SHTN1: variants seen among roughly 807,000 people sequenced by gnomAD.
SHTN1 encodes the protein shootin 1, also known as shootin-1.
Under a neutral mutation model 83.1 loss-of-function variants are expected in SHTN1, and 42 were observed. The observed-to-expected ratio is 0.51, with a 90% CI of 0.39 to 0.65. The LOEUF is 0.65. Among genes scored for constraint, SHTN1 ranks in the 30% least tolerant of loss-of-function variants. SHTN1 has a pLI of 0.00. For synonymous variants in SHTN1, 224 were observed against 247.7 expected, an observed-to-expected ratio of 0.90 and a Z score of 0.90; for missense variants, 622 against 737.8, an observed-to-expected ratio of 0.84 and a Z score of 1.82.
intron 1 of SHTN1, among the ~76,000 whole-genome samples, chr10:117,062,150 T>C (rs1348072280): frequency 1.3e-5 from 2 of 152,198 alleles, no homozygotes; most frequent in Non-Finnish European, 2.9e-5. Context: ...TTAATTAAAC[T>C]TTGTATACTT....
At chr10:116,930,346 A>G (rs756761376) in intron 9 of SHTN1, among the ~76,000 whole-genome samples, 1 of 152,172 alleles carries the variant, frequency 6.6e-6, no homozygotes, top group African/African-American at 2.4e-5. Context: ...GGTAAAAAGA[A>G]TAGTACCTGA....
At chr10:117,036,191 T>C (rs1007570627) in intron 2 of SHTN1, among the ~76,000 whole-genome samples, 2 of 152,116 alleles carry the variant, frequency 1.3e-5, no homozygotes, top group African/African-American at 2.4e-5. Flanking sequence ...CTGGGGGATG[T>C]AAATTTAGTA....
chr10:117,102,746 G>A (rs1432078057), intron 1 of SHTN1, among the ~76,000 whole-genome samples: 3 of 151,958 alleles, frequency 2.0e-5, no homozygotes, highest in Admixed American at 1.3e-4. Context: ...ATTACCCAAG[G>A]ACTATAAAGC....
intron 9 of SHTN1, among the ~76,000 whole-genome samples, chr10:116,939,105 G>T (rs890776370): frequency 2.0e-5 from 3 of 152,204 alleles, no homozygotes; most frequent in Admixed American, 1.3e-4. Context: ...GCTGGGCTCC[G>T]TGGGGGTGGG....
At chr10:116,999,976 C>T (rs1851767684) in intron 1 of SHTN1, among the ~76,000 whole-genome samples, 1 of 152,142 alleles carries the variant, frequency 6.6e-6, no homozygotes, top group African/African-American at 2.4e-5. Context: ...GACTAGAAGA[C>T]ATAGTTCCTT....
chr10:116,910,739 C>T (rs996670031), intron 14 of SHTN1, among the ~76,000 whole-genome samples: 2 of 152,168 alleles, frequency 1.3e-5, no homozygotes, highest in African/African-American at 4.8e-5. Context: ...TAATAGAACA[C>T]TGAATAACAG....
chr10:116,979,372 G>A, intron 1 of SHTN1, 64 bp from the exon 2 acceptor site: 7 of 1,296,890 alleles, frequency 5.4e-6, no homozygotes, highest in Non-Finnish European at 6.7e-6. Flanking sequence ...GCAACCTGGG[G>A]AATCCAACTA....
At chr10:116,959,246 T>C (rs570147569) in intron 4 of SHTN1, among the ~76,000 whole-genome samples, 8 of 152,244 alleles carry the variant, frequency 5.3e-5, no homozygotes, top group Non-Finnish European at 7.3e-5. Flanking sequence ...AGAAGTTACA[T>C]ACCCAAATTT....
chr10:116,961,683 G>A (rs1014577739), intron 3 of SHTN1, among the ~76,000 whole-genome samples: 3 of 152,162 alleles, frequency 2.0e-5, no homozygotes, highest in African/African-American at 4.8e-5. Flanking sequence ...TAAATGACAC[G>A]TTAAGCGTAA....
At chr10:117,114,034 G>C (rs574551178) in intron 1 of SHTN1, among the ~76,000 whole-genome samples, 1 of 151,994 alleles carries the variant, frequency 6.6e-6, no homozygotes, top group Non-Finnish European at 1.5e-5. Context: ...ACGACAGAGC[G>C]AGACTCCGTC....
chr10:117,104,640 G>A (rs1853647048), intron 1 of SHTN1, among the ~76,000 whole-genome samples: 1 of 152,094 alleles, frequency 6.6e-6, no homozygotes, highest in South Asian at 2.1e-4. Context: ...CGGGCGTGGT[G>A]GTGGGCGCCT....
intron 11 of SHTN1, among the ~76,000 whole-genome samples, chr10:116,924,788 C>T (rs1347406238): frequency 4.8e-5 from 6 of 125,228 alleles, no homozygotes; most frequent in East Asian, 4.7e-4. Context: ...GATGGAGTCT[C>T]GCTCTGTCGC....
intron 16 of SHTN1, chr10:116,900,203 G>A (rs573690331): frequency 1.7e-4 from 40 of 235,158 alleles, no homozygotes; most frequent in Non-Finnish European, 2.5e-4. Flanking sequence ...CCGAATAATC[G>A]AGCATTAGGT....
intron 13 of SHTN1, among the ~76,000 whole-genome samples, chr10:116,913,169 C>T (rs577720390): frequency 3.3e-5 from 5 of 152,342 alleles, no homozygotes; most frequent in Admixed American, 6.5e-5. Flanking sequence ...TAAGCTGTGA[C>T]GTTCAAACAA....
chr10:116,972,258 G>C (rs1850643800), intron 2 of SHTN1, among the ~76,000 whole-genome samples: 1 of 152,076 alleles, frequency 6.6e-6, no homozygotes, highest in Admixed American at 6.6e-5. Context: ...TTCTATCAGG[G>C]GTCTTCATGT....
chr10:117,120,865 A>G (rs1853913796), intron 1 of SHTN1, among the ~76,000 whole-genome samples: 1 of 150,552 alleles, frequency 6.6e-6, no homozygotes, highest in Non-Finnish European at 1.5e-5. Context: ...GCTGAAGTAC[A>G]GTGGCACGAT....
chr10:116,925,599 T>C (rs946979990), intron 11 of SHTN1, among the ~76,000 whole-genome samples: 4 of 152,174 alleles, frequency 2.6e-5, no homozygotes, highest in Non-Finnish European at 5.9e-5. Context: ...TATTTATATC[T>C]GCCTATATCT....
intron 3 of SHTN1, among the ~76,000 whole-genome samples, chr10:116,963,162 C>T (rs1850258382): frequency 7.2e-6 from 1 of 139,810 alleles, no homozygotes; most frequent in Non-Finnish European, 1.5e-5. Context: ...AGCTCCGCCT[C>T]CCGGGTTCAC....
rs1849988830 is a variant in SHTN1 at position 116,956,665 on chromosome 10, A to G, written c.268-2455T>C. ...TCTGTCATCTAGTGCTTAATATATT[A>G]CTTCTTAGACAACCACTACAATAAT... On this transcript the variant is annotated intron_variant, in intron 4 of 16. Transcript: ENST00000355371. Among the ~76,000 whole-genome samples the G allele has an allele frequency of 2.0e-5, 3 of 152,274 alleles. No homozygotes were observed. The South Asian group carries it at 6.2e-4, about 32-fold the overall frequency.
Sources: gnomAD v4.1 joint callset for allele counts (sites outside exome capture counted in the v4.1 genomes callset) on GRCh38, gnomAD v4.1.1 for gene constraint, MANE v1.5 for transcripts, NCBI Gene and HGNC (gene_info 2026-07-23, HGNC 2026-07-21) for gene names.